The following AMBRA1 variants were observed in gnomAD, a reference collection of about 807,000 sequenced individuals.
AMBRA1 encodes autophagy and beclin 1 regulator 1.
AMBRA1 carries 47 observed loss-of-function variants against 125.4 expected under a neutral mutation model. The ratio of observed to expected loss-of-function variants is 0.37; its 90% CI spans 0.30 to 0.48. AMBRA1 has a LOEUF of 0.48. Among genes scored for constraint, AMBRA1 ranks in the 20% least tolerant of loss-of-function variants. The pLI, the probability that AMBRA1 is intolerant of heterozygous loss-of-function variation, is 0.99. For synonymous variants in AMBRA1, 626 were observed against 655.5 expected, an observed-to-expected ratio of 0.95 and a Z score of 0.69; for missense variants, 1,331 against 1,693.4, an observed-to-expected ratio of 0.79 and a Z score of 3.76.
chr11:46,510,952 T>C (rs1951232660), intron 8 of AMBRA1, among the ~76,000 whole-genome samples: 1 of 152,218 alleles, frequency 6.6e-6, no homozygotes, highest in Non-Finnish European at 1.5e-5. Flanking sequence ...AATAAATCCT[T>C]AAGTTTTCTT....
chr11:46,524,049 G>T (rs1453231851), intron 7 of AMBRA1, among the ~76,000 whole-genome samples: 1 of 152,074 alleles, frequency 6.6e-6, no homozygotes, highest in Non-Finnish European at 1.5e-5. Context: ...TGTATTTTTA[G>T]TAGAGACAGG....
chr11:46,574,953 A>G (rs1363115034), intron 1 of AMBRA1, among the ~76,000 whole-genome samples: 1 of 152,242 alleles, frequency 6.6e-6, no homozygotes, highest in Non-Finnish European at 1.5e-5. Flanking sequence ...TTCAAAAGTT[A>G]GTTTCCTTCC....
intron 11 of AMBRA1, among the ~76,000 whole-genome samples, chr11:46,467,237 C>T (rs955745911): frequency 2.0e-5 from 3 of 152,002 alleles, no homozygotes; most frequent in African/African-American, 7.2e-5. Flanking sequence ...TTTTCAATTT[C>T]CGCTATTATC....
intron 11 of AMBRA1, among the ~76,000 whole-genome samples, chr11:46,456,930 G>C (rs1948872622): frequency 6.6e-6 from 1 of 152,110 alleles, no homozygotes; most frequent in African/African-American, 2.4e-5. Context: ...CTCAGCACAT[G>C]ACAAGAGAGT....
At chr11:46,439,725 ATAAGT>A (rs1171584011) in intron 12 of AMBRA1, among the ~76,000 whole-genome samples, 2 of 152,214 alleles carry the variant, frequency 1.3e-5, no homozygotes, top group Non-Finnish European at 2.9e-5. Context: ...AGCTCCTATT[ATAAGT>A]TAATTTTCTG....
intron 12 of AMBRA1, among the ~76,000 whole-genome samples, chr11:46,438,897 C>G (rs1947860607): frequency 1.3e-5 from 2 of 152,196 alleles, no homozygotes; most frequent in African/African-American, 4.8e-5. Flanking sequence ...GTGAGAGAAG[C>G]AGGTGGCAAG....
chr11:46,473,921 A>G (rs764286819), intron 11 of AMBRA1, among the ~76,000 whole-genome samples: 4 of 152,216 alleles, frequency 2.6e-5, no homozygotes, highest in Non-Finnish European at 5.9e-5. Context: ...AAGTGCTGGG[A>G]TTACAGGCGT....
chr11:46,485,449 C>G (rs888944749), intron 11 of AMBRA1, among the ~76,000 whole-genome samples: 1 of 152,258 alleles, frequency 6.6e-6, no homozygotes, highest in Non-Finnish European at 1.5e-5. Flanking sequence ...TTACACCCCA[C>G]CTCCCTTAGC....
chr11:46,546,844 G>A (rs1243940138), intron 4 of AMBRA1, among the ~76,000 whole-genome samples: 1 of 152,118 alleles, frequency 6.6e-6, no homozygotes, highest in Non-Finnish European at 1.5e-5. Flanking sequence ...GCCGAGGCAG[G>A]CAGACCACTT....
Position 46,433,427 on chromosome 11 carries a change from G to C in AMBRA1, c.2976+47C>G, listed in dbSNP as rs374249850. ...CACTGTCCCCTCATTACCCTTCCAAGCCTAGGGGAGCTGCCATACAGTGAA... is the reference window on the plus strand; with the variant it reads ...CACTGTCCCCTCATTACCCTTCCAACCCTAGGGGAGCTGCCATACAGTGAA... On this transcript the variant is annotated intron_variant, in intron 14 of 17. Transcript: ENST00000683756. The C allele has an allele frequency of 8.1e-6, 13 of 1,599,472 alleles. No homozygotes were observed. In the African/African-American group the frequency reaches 1.6e-4, roughly 20 times the overall value.
intron 11 of AMBRA1, among the ~76,000 whole-genome samples, chr11:46,454,839 A>G (rs1948781010): frequency 6.6e-6 from 1 of 151,976 alleles, no homozygotes; most frequent in Admixed American, 6.6e-5. Context: ...CTTATCTGGA[A>G]TAAGTAGTAA....
intron 14 of AMBRA1, among the ~76,000 whole-genome samples, chr11:46,426,444 TAAA>T (rs1947141318): frequency 6.6e-6 from 1 of 152,150 alleles, no homozygotes; most frequent in African/African-American, 2.4e-5. Context: ...AGGGGCTCAA[TAAA>T]GTTTTTTTGA....
intron 1 of AMBRA1, among the ~76,000 whole-genome samples, chr11:46,561,631 TGTGTTCA>T (rs1198798198): frequency 2.0e-5 from 3 of 152,206 alleles, no homozygotes; most frequent in African/African-American, 7.2e-5. Context: ...TAGTAGATAC[TGTGTTCA>T]GTGTTTTCCA....
At position 46,422,935 on chromosome 11, in the gene AMBRA1, A is replaced by G. The variant is rs11038893; in HGVS notation, c.2977-4883T>C. On this transcript the variant is annotated intron_variant, in intron 14 of 17. Coordinates refer to ENST00000683756, the MANE Select transcript of AMBRA1 (RefSeq NM_001387011.1). ...GAAACTGAGGCTAGAAGAGCTGTGG[A>G]AAAAGGTGCAAGGTGCAAAGCAAGG... 5.3e-3 allele frequency among the ~76,000 whole-genome samples: 812 copies of G among 152,274 alleles called. 5 individuals carry two copies. The highest frequency in any genetic ancestry group is 7.5e-3 in the Non-Finnish European group (509 of 68,020).
chr11:46,538,661 A>AT (rs1199644070), intron 7 of AMBRA1, among the ~76,000 whole-genome samples: 2 of 151,722 alleles, frequency 1.3e-5, no homozygotes, highest in East Asian at 1.9e-4. Context: ...TGCCTGGCTA[A>AT]TTTTTTTTGT....
rs1200724497 is a variant in AMBRA1 at position 46,542,708 on chromosome 11, G to A, written c.1309C>T (p.Pro437Ser). Residue 437 changes from proline to serine, a missense_variant, in exon 7 of 18, where the codon CCG becomes TCG. Physicochemically the swap from Pro to Ser is moderately conservative, Grantham distance 74 (BLOSUM62 -1). Transcript: ENST00000683756. The surrounding 1 kb of genome is among the most constrained non-coding windows in gnomAD (Gnocchi z 5.9). ...NSRSEAESMP[P>S]PRTSASSVSL... Reference sequence around the variant, plus strand: ...ACCGAAGAGGCACTGGTTCTGGGCGGGGGCATGGATTCCGCCTCAGAGCGG... The same window carrying A: ...ACCGAAGAGGCACTGGTTCTGGGCGAGGGCATGGATTCCGCCTCAGAGCGG... 1 of 1,614,142 alleles carries A rather than the reference G, an allele frequency of 6.2e-7. No homozygotes were observed.
intron 11 of AMBRA1, among the ~76,000 whole-genome samples, chr11:46,477,292 G>GGA (rs1049134190): frequency 6.6e-6 from 1 of 151,758 alleles, no homozygotes; most frequent in Non-Finnish European, 1.5e-5. Context: ...TTTTCATTAG[G>GGA]GAGAGTCTTT....
chr11:46,428,543 T>G (rs775151358), intron 14 of AMBRA1: 6 of 983,226 alleles, frequency 6.1e-6, no homozygotes, highest in Non-Finnish European at 9.2e-6. Flanking sequence ...CTCTAGGATC[T>G]GCAGCGATTA....
At chr11:46,439,006 C>CA (rs1334949560) in intron 12 of AMBRA1, among the ~76,000 whole-genome samples, 1 of 152,122 alleles carries the variant, frequency 6.6e-6, no homozygotes, top group African/African-American at 2.4e-5. Flanking sequence ...AGGCTGGGCT[C>CA]ACACCTGTAA....
Sources: gnomAD v4.1 joint callset for allele counts (sites outside exome capture counted in the v4.1 genomes callset) on GRCh38, gnomAD v4.1.1 for gene constraint, Gnocchi (gnomAD v3.1) non-coding constraint, MANE v1.5 for transcripts, NCBI Gene and HGNC (gene_info 2026-07-23, HGNC 2026-07-21) for gene names.